Variants in SLC35B4 observed in about 807,000 individuals in gnomAD.
The protein encoded by SLC35B4 is solute carrier family 35 member B4.
In SLC35B4, 28 loss-of-function variants were observed where a neutral mutation model predicts 39.5. That is an observed-to-expected ratio of 0.71 (90% confidence interval 0.53 to 0.97). The LOEUF (loss-of-function observed/expected upper bound fraction) is 0.97. SLC35B4 is among the 50% of genes least tolerant of loss of function. The pLI is 0.00. For synonymous variants in SLC35B4, 145 were observed against 150.4 expected (o/e 0.96, Z 0.26); for missense variants, 334 against 414.3 (o/e 0.81, Z 1.68).
At chr7:134,314,766 C>T (rs1263863993) in intron 1 of SLC35B4, among the ~76,000 whole-genome samples, 1 of 152,136 alleles carries the variant, frequency 6.6e-6, no homozygotes, top group African/African-American at 2.4e-5. Context: ...GAACCCCTGA[C>T]CTCGTGATCC....
At chr7:134,313,657 A>G (rs1803901132) in intron 1 of SLC35B4, among the ~76,000 whole-genome samples, 1 of 152,242 alleles carries the variant, frequency 6.6e-6, no homozygotes, top group South Asian at 2.1e-4. Flanking sequence ...AATTTGGGGA[A>G]AATGGTTAAA....
chr7:134,299,577 A>C lies in SLC35B4; in HGVS notation c.619T>G (p.Phe207Val). The change falls in exon 8 of 10, where the codon TTC becomes GTC. Residue 207 changes from phenylalanine to valine, a missense_variant. Physicochemically the swap from Phe to Val is conservative, Grantham distance 50. Coordinates refer to ENST00000378509, the MANE Select transcript of SLC35B4 (RefSeq NM_032826.5). ...FYNHALPLPG[F>V]VFLASDIYDH... ...TAAATATCAGAAGCCAAGAAGACGA[A>C]ACCCGGAAGTGGAAGGGCGTGCTAT... 1 of 1,614,056 alleles carries C rather than the reference A, an allele frequency of 6.2e-7. No individual in the cohort carries two copies. The highest frequency in any genetic ancestry group is 8.5e-7 in the Non-Finnish European group (1 of 1,179,938).
chr7:134,319,681 G>A (rs1213163872), upstream of SLC35B4, among the ~76,000 whole-genome samples: 1 of 152,088 alleles, frequency 6.6e-6, no homozygotes. Context: ...GTTCACTAAT[G>A]TTTCCCTGTA....
intron 4 of SLC35B4, among the ~76,000 whole-genome samples, chr7:134,304,469 GTAAA>G (rs1258342933): frequency 6.6e-6 from 1 of 152,182 alleles, no homozygotes; most frequent in Non-Finnish European, 1.5e-5. Flanking sequence ...TTTGAAAAAT[GTAAA>G]TAGTCACACG....
At position 134,309,405 on chromosome 7, in the gene SLC35B4, T is replaced by G. The variant is rs1803782404; in HGVS notation, c.152A>C (p.Glu51Ala). The G allele has an allele frequency of 1.9e-6, 3 of 1,611,372 alleles. No homozygotes were observed. Among genetic ancestry groups the G allele is most frequent in the Admixed American group, 1.7e-5 (1 of 59,924 alleles). The change falls in exon 2 of 10, where the codon GAA becomes GCA. Residue 51 changes from glutamate to alanine, a missense_variant. Physicochemically the swap from Glu to Ala is moderately radical, Grantham distance 107 (BLOSUM62 -1). Coordinates refer to ENST00000378509, the MANE Select transcript of SLC35B4 (RefSeq NM_032826.5). ...TGGTGGCTTCCTTCCCAAATCAGCT[T>G]CAAAGAGGAAGCCTTCCACAGCAAT... The part of the protein sequence containing the change: ...LFIAVEGFLF[E>A]ADLGRKPPAI...
chr7:134,317,854 G>T (rs1238774458), upstream of SLC35B4, among the ~76,000 whole-genome samples: 1 of 149,030 alleles, frequency 6.7e-6, no homozygotes. Flanking sequence ...CACCCAGCAA[G>T]ACTAGTTTTT....
At chr7:134,296,349 C>G in intron 9 of SLC35B4, 42 bp downstream of exon 9, 1 of 1,529,586 alleles carries the variant, frequency 6.5e-7, no homozygotes, top group Non-Finnish European at 9.0e-7. Flanking sequence ...GCCAAAAGAA[C>G]CTGATGATGA....
upstream of SLC35B4, among the ~76,000 whole-genome samples, chr7:134,318,904 G>A (rs1480909667): frequency 6.6e-6 from 1 of 152,072 alleles, no homozygotes. Context: ...TTAATCACTT[G>A]GGGATCTTGT....
Position 134,294,972 on chromosome 7 carries a change from A to C in SLC35B4, c.857T>G (p.Leu286Trp), listed in dbSNP as rs777923209. ...CAGGGTGAAGGGGTTCTGGAAGTAC[A>C]AGATGGAAAAGATGAGGCTCACAAA... ...RKFVSLIFSILYFQNPFTLWH... is the reference protein window; with the variant it reads ...RKFVSLIFSIWYFQNPFTLWH... Residue 286 changes from leucine (L) to tryptophan (W), a missense_variant, in exon 10 of 10, where the codon TTG (leucine) becomes TGG (tryptophan). By Grantham distance (61) the Leu-to-Trp change is moderately conservative. Transcript: ENST00000378509. 1.3e-5 allele frequency: 21 copies of C among 1,614,228 alleles called. No homozygotes were observed. Among genetic ancestry groups the C allele is most frequent in the Non-Finnish European group, 1.7e-5 (20 of 1,180,046 alleles).
At chr7:134,305,169 G>A (rs1313938378) in intron 3 of SLC35B4, among the ~76,000 whole-genome samples, 3 of 151,952 alleles carry the variant, frequency 2.0e-5, no homozygotes, top group Non-Finnish European at 4.4e-5. Context: ...TAAAAAATAC[G>A]AAACTTAGCT....
chr7:134,314,639 G>A (rs565856600), intron 1 of SLC35B4, among the ~76,000 whole-genome samples: 3 of 152,184 alleles, frequency 2.0e-5, no homozygotes, highest in Non-Finnish European at 2.9e-5. Flanking sequence ...GGGTTCTAAC[G>A]ATTATCCTGC....
At chr7:134,297,259 T>C (rs1198521027) in intron 8 of SLC35B4, among the ~76,000 whole-genome samples, 2 of 152,224 alleles carry the variant, frequency 1.3e-5, no homozygotes, top group Non-Finnish European at 2.9e-5. Flanking sequence ...TCTGGCAAGT[T>C]GGTAATGGAA....
In SLC35B4 at chr7:134,303,361, C is replaced by A. The variant is rs562010309; in HGVS notation, c.345-1251G>T. Among the ~76,000 whole-genome samples, 87 of 152,062 alleles carry A rather than the reference C, an allele frequency of 5.7e-4. 1 individual carries two copies. Among genetic ancestry groups the A allele is most frequent in the African/African-American group, 2.0e-3 (84 of 41,480 alleles). On this transcript the variant is annotated intron_variant, in intron 4 of 9. Transcript: ENST00000378509. The stretch of plus-strand genomic sequence containing the variant: ...TGTTCTTTTGTATCCTTGTCATGAG[C>A]CAGAATCAAAGGTTGGGAAAGAGCA...
Position 134,301,655 on chromosome 7 carries a change from T to TA in SLC35B4, c.487+105dup. On this transcript the variant is annotated intron_variant, in intron 6 of 9. Transcript: ENST00000378509. ...TCCCAGGTGCCTCTCTTCCATGGCA[T>TA]AATTTGTTTAGCTGAAGCTTCTTGC... 9.6e-6 allele frequency: 10 copies of TA among 1,038,134 alleles called. No homozygotes were observed. The South Asian group carries it at 1.4e-4, about 14-fold the overall frequency. 64.3% of individuals were successfully genotyped at this position (1,038,134 alleles called of 1,614,324 possible).
intron 1 of SLC35B4, among the ~76,000 whole-genome samples, chr7:134,315,495 G>A (rs1049021682): frequency 2.6e-5 from 4 of 151,972 alleles, no homozygotes; most frequent in African/African-American, 9.7e-5. Context: ...TTTAATTCAT[G>A]TACAAATTAT....
intron 5 of SLC35B4, 27 bp from the exon 6 acceptor site, chr7:134,301,848 A>G: frequency 2.5e-6 from 4 of 1,608,174 alleles, no homozygotes; most frequent in Non-Finnish European, 3.4e-6. Context: ...TAAACTAGGT[A>G]CAGAGAGCAG....
intron 6 of SLC35B4, 59 bp from the exon 7 acceptor site, chr7:134,300,320 C>T: frequency 8.1e-7 from 1 of 1,237,698 alleles, no homozygotes. Context: ...AGATGTTTTT[C>T]TTGAAGAACA....
At position 134,299,194 on chromosome 7, in the gene SLC35B4, A is replaced by C. The variant is rs941057982; in HGVS notation, c.673+329T>G. 1.0e-3 allele frequency: 197 copies of C among 195,996 alleles called. 4 individuals carry two copies. The Admixed American group carries it at 0.011, about 11-fold the overall frequency. The allele number at this position is 195,996 out of a possible 1,614,324, so 12.1% of individuals were successfully genotyped here. On this transcript the variant is annotated intron_variant, in intron 8 of 9. Transcript: ENST00000378509. ...GTTGAGAGAGCTGGACGGCTGCCCA[A>C]CTTCGCAGGGCTCCAGTCTCTGCAG...
chr7:134,304,964 G>A, intron 3 of SLC35B4, 110 bp from the exon 4 acceptor site: 1 of 721,166 alleles, frequency 1.4e-6, no homozygotes, highest in Non-Finnish European at 2.4e-6. Flanking sequence ...AATGAAGGAA[G>A]CTAGGATGAA....
Sources: allele counts gnomAD v4.1 joint callset (sites outside exome capture counted in the v4.1 genomes callset), GRCh38; gene constraint gnomAD v4.1.1; transcripts MANE v1.5; gene names NCBI Gene and HGNC (gene_info 2026-07-23, HGNC 2026-07-21).